The following BAHD1 variants were observed in gnomAD, a reference collection of about 807,000 sequenced individuals.
BAHD1 encodes bromo adjacent homology domain containing 1.
A neutral mutation model predicts 63.1 loss-of-function variants in BAHD1; 20 were observed. That is an observed-to-expected ratio of 0.32 (90% CI 0.22 to 0.46). The LOEUF is 0.46. Among genes scored for constraint, BAHD1 ranks in the 20% least tolerant of loss-of-function variants. BAHD1 has a pLI of 1.00. For missense variants in BAHD1, 939 were observed against 1,071.8 expected, an observed-to-expected ratio of 0.88 and a Z score of 1.73; for synonymous variants, 408 against 426.8, an observed-to-expected ratio of 0.96 and a Z score of 0.54.
intron 1 of BAHD1, among the ~76,000 whole-genome samples, chr15:40,443,795 C>T (rs965352464): frequency 6.6e-6 from 1 of 152,158 alleles, no homozygotes; most frequent in African/African-American, 2.4e-5. Flanking sequence ...TTCCCGGTGT[C>T]ACTCCCTTTC....
chr15:40,442,779 G>A (rs969025204), intron 1 of BAHD1, among the ~76,000 whole-genome samples: 1 of 152,122 alleles, frequency 6.6e-6, no homozygotes, highest in African/African-American at 2.4e-5. Context: ...GAAATAAAAA[G>A]CTTTCCAGTC....
chr15:40,464,240 G>A (rs1213922437), intron 4 of BAHD1: 5 of 665,124 alleles, frequency 7.5e-6, no homozygotes, highest in Non-Finnish European at 7.6e-6. Flanking sequence ...AGCCAGCAGA[G>A]CCTGGGCACC....
At position 40,441,052 on chromosome 15, in the gene BAHD1, TCCGCCCGCCCCGGCCAGGC is replaced by T. The variant is rs1893383281; in HGVS notation, c.-230_-212del. 7.1e-6 allele frequency among the ~76,000 whole-genome samples: 1 copy of T among 140,002 alleles called. No individual in the cohort carries two copies. Among genetic ancestry groups the T allele is most frequent in the East Asian group, 2.2e-4 (1 of 4,642 alleles). The allele number at this position is 140,002 out of a possible 152,430, so 91.8% of individuals were successfully genotyped here. ...TGCCCCGCCCGTCCGGCCCCCGCCGTCCGCCCGCCCCGGCCAGGCGCGCCCGCCCCCCCCGACGGCCCCG... is the reference window on the plus strand; with the variant it reads ...TGCCCCGCCCGTCCGGCCCCCGCCGTGCGCCCGCCCCCCCCGACGGCCCCG... On this transcript the variant is annotated 5_prime_UTR_variant, in exon 1 of 7. Transcript: ENST00000416165.
At chr15:40,447,607 T>TAAATAA (rs1555408580) in intron 1 of BAHD1, among the ~76,000 whole-genome samples, 23 of 136,960 alleles carry the variant, frequency 1.7e-4, no homozygotes, top group Non-Finnish European at 3.5e-4. Context: ...AATAAATAAA[T>TAAATAA]AAATAAAAAT....
chr15:40,465,006 C>A, intron 5 of BAHD1: 1 of 408,972 alleles, frequency 2.4e-6, no homozygotes, highest in South Asian at 2.8e-5. Flanking sequence ...CCTTTTATTT[C>A]ACTTTCCCTT....
chr15:40,464,155 C>T (rs1266773698), intron 4 of BAHD1, 135 bp downstream of exon 4: 6 of 1,079,252 alleles, frequency 5.6e-6, no homozygotes, highest in East Asian at 5.1e-5. Flanking sequence ...GCCTTCCACT[C>T]GGCTGGGGTC....
rs1160966907 is a variant in BAHD1, at chr15:40,459,000, G to C, written c.536G>C (p.Gly179Ala). The change falls in exon 2 of 7, where the codon GGA becomes GCA. Residue 179 changes from glycine (G) to alanine (A), a missense_variant. Gly to Ala is a moderately conservative substitution (Grantham distance 60, BLOSUM62 0). Transcript: ENST00000416165. The surrounding 1 kb of genome is among the most constrained non-coding windows in gnomAD (Gnocchi z 4.7). ...CCCCGGCTGGGGGACCTTGGAGGAG[G>C]AAGTCGGGACCTGTCTCCAGAGCCA... ...KRPRLGDLGG[G>A]SRDLSPEPAP... The C allele has an allele frequency of 6.3e-7, 1 of 1,585,590 alleles. No individual in the cohort carries two copies. The highest frequency in any genetic ancestry group is 8.6e-7 in the Non-Finnish European group (1 of 1,163,962).
At chr15:40,442,453 T>C (rs1297202250) in intron 1 of BAHD1, among the ~76,000 whole-genome samples, 1 of 151,986 alleles carries the variant, frequency 6.6e-6, no homozygotes, top group Non-Finnish European at 1.5e-5. Flanking sequence ...CCTTGGCTGG[T>C]GGCGACGGGG....
chr15:40,466,151 G>A lies in BAHD1; in HGVS notation c.*21G>A. On this transcript the variant is annotated 3_prime_UTR_variant, in exon 7 of 7. Transcript: ENST00000416165. Reference sequence around the variant, plus strand: ...AGTAGCCTCCTCATGCCCATGCTGGGGCTACCCATGGGCAAGTGGGGCTCG... The same window carrying A: ...AGTAGCCTCCTCATGCCCATGCTGGAGCTACCCATGGGCAAGTGGGGCTCG... 1 of 1,605,898 alleles carries A rather than the reference G, an allele frequency of 6.2e-7. No homozygotes were observed. The highest frequency in any genetic ancestry group is 8.5e-7 in the Non-Finnish European group (1 of 1,175,492).
intron 1 of BAHD1, among the ~76,000 whole-genome samples, chr15:40,451,057 T>C (rs1396862276): frequency 1.4e-5 from 2 of 138,080 alleles, no homozygotes; most frequent in African/African-American, 2.7e-5. Context: ...GGCAGGAGAA[T>C]CACTTGAACC....
Position 40,462,225 on chromosome 15 carries a change from C to A in BAHD1, c.1746C>A (p.Arg582=). The A allele has an allele frequency of 1.2e-6, 2 of 1,611,382 alleles. No homozygotes were observed. Among genetic ancestry groups the A allele is most frequent in the Non-Finnish European group, 8.5e-7 (1 of 1,179,074 alleles). ...GTGTCCAGCGCCCACGCCCTCGCCGCCGCCGTCGCCGCCGCACTAATGGCT... is the reference window on the plus strand; with the variant it reads ...GTGTCCAGCGCCCACGCCCTCGCCGACGCCGTCGCCGCCGCACTAATGGCT... ...QPRVQRPRPR[R]RRRRRTNGWV... is the part of the protein sequence containing the mutation. Residue 582 remains arginine, a synonymous_variant, in exon 3 of 7, where the codon CGC becomes CGA. Transcript: ENST00000416165.
chr15:40,441,481 C>G (rs1055177832), intron 1 of BAHD1, among the ~76,000 whole-genome samples: 5 of 151,146 alleles, frequency 3.3e-5, no homozygotes, highest in African/African-American at 1.2e-4. Flanking sequence ...CGCCACCTCC[C>G]TCCCCTGGGT....
intron 6 of BAHD1, 97 bp downstream of exon 6, chr15:40,465,532 C>T: frequency 4.3e-6 from 4 of 926,696 alleles, no homozygotes; most frequent in Admixed American, 3.9e-5. Flanking sequence ...TCTCATTCTG[C>T]TCTCTACCTG....
chr15:40,446,655 T>C (rs1173692283), intron 1 of BAHD1, among the ~76,000 whole-genome samples: 2 of 152,234 alleles, frequency 1.3e-5, no homozygotes, highest in Non-Finnish European at 2.9e-5. Flanking sequence ...CCAAGTTAGC[T>C]GAATGAAAAA....
intron 2 of BAHD1, among the ~76,000 whole-genome samples, chr15:40,461,698 A>T (rs925682939): frequency 2.0e-5 from 3 of 152,154 alleles, no homozygotes; most frequent in African/African-American, 4.8e-5. Context: ...TTTCAGACTA[A>T]AAGGGGAGAT....
chr15:40,451,426 T>A (rs949517665), intron 1 of BAHD1, among the ~76,000 whole-genome samples: 3 of 152,248 alleles, frequency 2.0e-5, no homozygotes, highest in Non-Finnish European at 4.4e-5. Flanking sequence ...TGCTAGCCCA[T>A]GCTCCAACTC....
At chr15:40,449,827 A>G (rs1188910992) in intron 1 of BAHD1, among the ~76,000 whole-genome samples, 2 of 151,902 alleles carry the variant, frequency 1.3e-5, no homozygotes, top group South Asian at 2.1e-4. Flanking sequence ...AAAAAAAAAA[A>G]AAAAAGAAAA....
intron 1 of BAHD1, among the ~76,000 whole-genome samples, chr15:40,441,905 C>T (rs1378232811): frequency 1.3e-5 from 2 of 151,640 alleles, no homozygotes; most frequent in Non-Finnish European, 2.9e-5. Flanking sequence ...GTAGTGTAGA[C>T]CCGACTCGAT....
At chr15:40,449,279 A>G (rs1450389268) in intron 1 of BAHD1, among the ~76,000 whole-genome samples, 1 of 152,208 alleles carries the variant, frequency 6.6e-6, no homozygotes, top group Non-Finnish European at 1.5e-5. Flanking sequence ...ATCCTTTTAC[A>G]GTAGTCACCT....
Sources: allele counts gnomAD v4.1 joint callset (sites outside exome capture counted in the v4.1 genomes callset), GRCh38; gene constraint gnomAD v4.1.1; non-coding constraint Gnocchi (gnomAD v3.1); transcripts MANE v1.5; gene names NCBI Gene and HGNC (gene_info 2026-07-23, HGNC 2026-07-21).